The following PDE4B variants were observed in gnomAD, a reference collection of about 807,000 sequenced individuals.
PDE4B encodes 3',5'-cyclic-AMP phosphodiesterase 4B.
In PDE4B, 20 loss-of-function variants were observed where a neutral mutation model predicts 82.2. That is an observed-to-expected ratio of 0.24 (90% CI 0.17 to 0.35). The LOEUF is 0.35. Among genes scored for constraint, PDE4B ranks in the 10% least tolerant of loss-of-function variants. PDE4B has a pLI of 1.00. For missense variants in PDE4B, 655 were observed against 907.2 expected (o/e 0.72, Z 3.57); for synonymous variants, 320 against 318.9 (o/e 1.00, Z -0.04).
chr1:66,253,299 T>A (rs1213305843), intron 4 of PDE4B, among the ~76,000 whole-genome samples: 1 of 152,230 alleles, frequency 6.6e-6, no homozygotes, highest in African/African-American at 2.4e-5. Context: ...ACAAGTTAAT[T>A]TCTGTGTGTA....
At chr1:66,230,591 A>T (rs927358588) in intron 3 of PDE4B, among the ~76,000 whole-genome samples, 3 of 152,250 alleles carry the variant, frequency 2.0e-5, no homozygotes, top group Non-Finnish European at 4.4e-5. Flanking sequence ...GTTTTCCAAG[A>T]TAGCAATGAG....
intron 3 of PDE4B, among the ~76,000 whole-genome samples, chr1:66,067,023 G>C (rs1655887511): frequency 6.6e-6 from 1 of 152,004 alleles, no homozygotes; most frequent in Admixed American, 6.6e-5. Context: ...ACAACAAAAA[G>C]TAGATTGCTG....
intron 3 of PDE4B, among the ~76,000 whole-genome samples, chr1:66,079,917 A>G (rs916158944): frequency 6.6e-6 from 1 of 152,138 alleles, no homozygotes; most frequent in African/African-American, 2.4e-5. Flanking sequence ...ACAAGCTTTA[A>G]TGAAAATAAT....
At chr1:66,228,444 G>T (rs931621495) in intron 3 of PDE4B, among the ~76,000 whole-genome samples, 1 of 152,070 alleles carries the variant, frequency 6.6e-6, no homozygotes, top group Non-Finnish European at 1.5e-5. Context: ...CTAACACAGT[G>T]AAACCCCATC....
chr1:65,946,535 G>A (rs1648722597), intron 3 of PDE4B, among the ~76,000 whole-genome samples: 1 of 151,954 alleles, frequency 6.6e-6, no homozygotes, highest in African/African-American at 2.4e-5. Flanking sequence ...TGGTCACGTG[G>A]TCACTTGATG....
chr1:66,085,454 G>T (rs191390901), intron 3 of PDE4B, among the ~76,000 whole-genome samples: 3 of 152,260 alleles, frequency 2.0e-5, no homozygotes, highest in African/African-American at 7.2e-5. Context: ...TATGACAGAA[G>T]TGCAAACAGG....
intron 3 of PDE4B, among the ~76,000 whole-genome samples, chr1:66,070,352 G>A (rs1656092372): frequency 6.6e-6 from 1 of 151,908 alleles, no homozygotes; most frequent in Non-Finnish European, 1.5e-5. Flanking sequence ...AAGCTTTGAG[G>A]GTGGAAGAGA....
chr1:66,068,393 T>C (rs1236897934), intron 3 of PDE4B, among the ~76,000 whole-genome samples: 4 of 151,886 alleles, frequency 2.6e-5, no homozygotes, highest in Admixed American at 6.6e-5. Flanking sequence ...AGAAACAGAA[T>C]TGATGAAGAA....
intron 3 of PDE4B, chr1:65,992,757 GCT>G: frequency 7.2e-7 from 1 of 1,392,310 alleles, no homozygotes; most frequent in Non-Finnish European, 9.3e-7. Flanking sequence ...TGCTGCTCTT[GCT>G]CTAAGACGCT....
chr1:66,131,445 G>A (rs527683254), intron 3 of PDE4B, among the ~76,000 whole-genome samples: 30 of 150,164 alleles, frequency 2.0e-4, no homozygotes, highest in African/African-American at 7.3e-4. Flanking sequence ...TAATGACATT[G>A]AAAACAGGTC....
chr1:66,152,091 T>C (rs573318156), intron 3 of PDE4B, among the ~76,000 whole-genome samples: 3 of 152,312 alleles, frequency 2.0e-5, no homozygotes, highest in East Asian at 3.9e-4. Context: ...TTAGATGACA[T>C]CTTTTAAGAA....
intron 3 of PDE4B, among the ~76,000 whole-genome samples, chr1:66,202,511 C>T (rs550793213): frequency 6.6e-6 from 1 of 152,250 alleles, no homozygotes; most frequent in East Asian, 1.9e-4. Flanking sequence ...GCAGGACTTG[C>T]TTTATGAATC....
chr1:66,298,068 T>C (rs769948193), intron 7 of PDE4B, among the ~76,000 whole-genome samples: 1 of 152,174 alleles, frequency 6.6e-6, no homozygotes, highest in Non-Finnish European at 1.5e-5. Context: ...AGATACATAC[T>C]AAGATGATAT....
At chr1:66,166,461 C>A (rs1002961008) in intron 3 of PDE4B, among the ~76,000 whole-genome samples, 1 of 152,078 alleles carries the variant, frequency 6.6e-6, no homozygotes. Flanking sequence ...GGGGGCTGGG[C>A]GGGTTGGCTC....
intron 3 of PDE4B, among the ~76,000 whole-genome samples, chr1:66,116,045 CT>C (rs1345452652): frequency 2.0e-5 from 3 of 152,166 alleles, no homozygotes; most frequent in Non-Finnish European, 2.9e-5. Flanking sequence ...TTACAGAATG[CT>C]TATCCAATGT....
Position 66,363,566 on chromosome 1 carries a change from T to G in PDE4B, c.1279T>G (p.Leu427Val), listed in dbSNP as rs1483782179. ...CCATGTTCTCCTTTCTACACCAGCA[T>G]TAGACGTGAGTAATTATGACCTGTT... ...STHVLLSTPA[L>V]DAVFTDLEIL... The change falls in exon 12 of 17, where the codon TTA (leucine) becomes GTA (valine). Residue 427 changes from leucine to valine, a missense_variant. By Grantham distance (32) the Leu-to-Val change is conservative. Coordinates refer to ENST00000341517, the MANE Select transcript of PDE4B (RefSeq NM_002600.4). 6.2e-7 allele frequency: 1 copy of G among 1,610,046 alleles called. No individual in the cohort carries two copies. The highest frequency in any genetic ancestry group is 1.1e-5 in the South Asian group (1 of 90,420).
chr1:66,230,375 GC>G (rs550718181), intron 3 of PDE4B, among the ~76,000 whole-genome samples: 172 of 152,324 alleles, frequency 1.1e-3, no homozygotes, highest in African/African-American at 3.8e-3. Context: ...TGACTGCCAG[GC>G]AGAAGAGTTT....
chr1:66,361,616 C>G lies in PDE4B; in HGVS notation c.843C>G (p.Asp281Glu). The change falls in exon 10 of 17, where the codon GAC becomes GAG. Residue 281 changes from aspartate to glutamate, a missense_variant and splice_region_variant. By Grantham distance (45) the Asp-to-Glu change is conservative. This residue lies in a region of PDE4B where 283 missense variants were observed against 516.4 expected (regional missense o/e 0.55). Coordinates refer to ENST00000341517, the MANE Select transcript of PDE4B (RefSeq NM_002600.4). ...AACATATTCCTTTGTCTGTTGCAGA[C>G]AAGCAGAATGATGTGGAGATCCCAT... ...VSEYISNTFL[D>E]KQNDVEIPSP... 2 of 1,611,362 alleles carry G rather than the reference C, an allele frequency of 1.2e-6. No individual in the cohort carries two copies. The highest frequency in any genetic ancestry group is 1.7e-6 in the Non-Finnish European group (2 of 1,178,600).
At chr1:66,002,774 A>T (rs1035910181) in intron 3 of PDE4B, among the ~76,000 whole-genome samples, 59 of 152,198 alleles carry the variant, frequency 3.9e-4, no homozygotes, top group African/African-American at 1.3e-3. Context: ...TTGAAACTTT[A>T]GATCAATCCT....
Sources: gnomAD v4.1 joint callset for allele counts (sites outside exome capture counted in the v4.1 genomes callset) on GRCh38, gnomAD v4.1.1 for gene constraint, gnomAD v4.1.1 regional missense constraint, MANE v1.5 for transcripts, NCBI Gene and HGNC (gene_info 2026-07-23, HGNC 2026-07-21) for gene names.